CTHRC1: variants seen among roughly 807,000 people sequenced by gnomAD.
The protein encoded by CTHRC1 is collagen triple helix repeat-containing protein 1.
A neutral mutation model predicts 25.9 loss-of-function variants in CTHRC1; 21 were observed. The ratio of observed to expected loss-of-function variants is 0.81; its 90% CI spans 0.57 to 1.17. The LOEUF (loss-of-function observed/expected upper bound fraction) is 1.17. Ranked by LOEUF, CTHRC1 falls within the 50% of genes most tolerant of loss-of-function variation. CTHRC1 has a pLI of 0.00. For synonymous variants in CTHRC1, 109 were observed against 113.1 expected, an observed-to-expected ratio of 0.96 and a Z score of 0.23; for missense variants, 281 against 304.3, an observed-to-expected ratio of 0.92 and a Z score of 0.57.
intron 3 of CTHRC1, among the ~76,000 whole-genome samples, chr8:103,380,358 A>G (rs1263254606): frequency 6.6e-6 from 1 of 152,220 alleles, no homozygotes; most frequent in Non-Finnish European, 1.5e-5. Flanking sequence ...GAGTGTCACA[A>G]GTAATTTGTT....
chr8:103,374,807 TTTA>T (rs1259462994), intron 1 of CTHRC1, among the ~76,000 whole-genome samples: 2 of 152,204 alleles, frequency 1.3e-5, no homozygotes, highest in African/African-American at 4.8e-5. Context: ...AGTAAGACTC[TTTA>T]TTATTATCCA....
chr8:103,375,958 C>A lies in CTHRC1; in HGVS notation c.371C>A (p.Ala124Glu), dbSNP rs374084026. 2 of 1,608,256 alleles carry A rather than the reference C, an allele frequency of 1.2e-6. No individual in the cohort carries two copies. Among genetic ancestry groups the A allele is most frequent in the East Asian group, 2.2e-5 (1 of 44,844 alleles). The change falls in exon 2 of 4, where the codon GCG (alanine) becomes GAG (glutamate). Residue 124 changes from alanine (A) to glutamate (E), a missense_variant and splice_region_variant. Coordinates refer to ENST00000330295, the MANE Select transcript of CTHRC1 (RefSeq NM_138455.4). ...TATGGCATAGATCTTGGGAAAATTG[C>A]GGTAAGTTTGAATTATTTTAAAATT... ...LNYGIDLGKI[A>E]ECTFTKMRSN...
chr8:103,377,029 T>C (rs1367713185), intron 2 of CTHRC1: 1 of 152,198 alleles, frequency 6.6e-6, no homozygotes, highest in Non-Finnish European at 1.5e-5. Context: ...TCCTTGTGGG[T>C]TCTGAATTAT....
rs972017543 is a variant in CTHRC1, at chr8:103,380,472, G to A, written c.590-1986G>A. On this transcript the variant is annotated intron_variant, in intron 3 of 3. Coordinates refer to ENST00000330295, the MANE Select transcript of CTHRC1 (RefSeq NM_138455.4). ...CTCTCTTAAGGGAAAGGAAAGGGGT[G>A]CACTTATAGTTAGCATATCAGAGGA... Among the ~76,000 whole-genome samples, 5 of 152,206 alleles carry A rather than the reference G, an allele frequency of 3.3e-5. No individual in the cohort carries two copies. In the South Asian group the frequency reaches 8.3e-4, roughly 25 times the overall value.
At chr8:103,376,133 CAT>C (rs1191803645) in intron 2 of CTHRC1, 174 bp downstream of exon 2, 2 of 637,182 alleles carry the variant, frequency 3.1e-6, no homozygotes, top group Non-Finnish European at 5.5e-6. Flanking sequence ...TTCAGAATTT[CAT>C]AGAGATATTT....
Position 103,371,802 on chromosome 8 carries a change from A to G in CTHRC1, c.146A>G (p.Asp49Gly), listed in dbSNP as rs911636192. 6.6e-7 allele frequency: 1 copy of G among 1,526,212 alleles called. No homozygotes were observed. The highest frequency in any genetic ancestry group is 1.4e-5 in the African/African-American group (1 of 70,308). 94.5% of individuals were successfully genotyped at this position (1,526,212 alleles called of 1,614,324 possible). A position where few individuals can be genotyped will look rare whatever the true frequency, so the allele number is the denominator to read the frequency against. Residue 49 changes from aspartate to glycine, a missense_variant, in exon 1 of 4, where the codon GAC becomes GGC. Asp to Gly is a moderately conservative substitution (Grantham distance 94). Coordinates refer to ENST00000330295, the MANE Select transcript of CTHRC1 (RefSeq NM_138455.4). Reference sequence around the variant, plus strand: ...CAGCTCCGGCAGAGGGAGGTGGTGGACCTGGTGAGTCCGAGGGAGCCGAGC... The same window carrying G: ...CAGCTCCGGCAGAGGGAGGTGGTGGGCCTGGTGAGTCCGAGGGAGCCGAGC... ...KAQLRQREVV[D>G]LYNGMCLQGP...
At chr8:103,382,252 T>G (rs1815926641) in intron 3 of CTHRC1, among the ~76,000 whole-genome samples, 1 of 152,214 alleles carries the variant, frequency 6.6e-6, no homozygotes, top group African/African-American at 2.4e-5. Flanking sequence ...TATCATAGAA[T>G]GGATATGTAT....
intron 2 of CTHRC1, among the ~76,000 whole-genome samples, chr8:103,376,239 C>G (rs1330521428): frequency 6.6e-6 from 1 of 152,156 alleles, no homozygotes; most frequent in East Asian, 1.9e-4. Context: ...CTGTGTTGGA[C>G]AGTAAGCAAC....
chr8:103,372,577 C>G, intron 1 of CTHRC1: 2 of 1,598,376 alleles, frequency 1.3e-6, no homozygotes, highest in Non-Finnish European at 1.7e-6. Context: ...AGGAGCATCA[C>G]AGTCAAGCTA....
At chr8:103,374,482 A>G (rs572196622) in intron 1 of CTHRC1, among the ~76,000 whole-genome samples, 1 of 152,296 alleles carries the variant, frequency 6.6e-6, no homozygotes, top group Admixed American at 6.5e-5. Flanking sequence ...TCCTAGCTGA[A>G]CCAATTCAGG....
At position 103,371,714 on chromosome 8, in the gene CTHRC1, C is replaced by T. The variant is rs1226088899; in HGVS notation, c.58C>T (p.Leu20=). Residue 20 remains leucine, a synonymous_variant, in exon 1 of 4, where the codon CTG becomes TTG. Transcript: ENST00000330295. The stretch of plus-strand genomic sequence containing the variant: ...GCGGCTCCGCGGCCTCCTGCTGCTC[C>T]TGCTGCTGCAGCTGCCCGCGCCGTC... ...PQRLRGLLLL[L]LLQLPAPSSA... is the part of the protein sequence containing the mutation. The T allele has an allele frequency of 1.3e-6, 2 of 1,536,878 alleles. No homozygotes were observed. The highest frequency in any genetic ancestry group is 2.4e-5 in the South Asian group (2 of 82,638).
intron 3 of CTHRC1, among the ~76,000 whole-genome samples, chr8:103,379,108 G>C (rs1360222566): frequency 1.3e-5 from 2 of 152,172 alleles, no homozygotes; most frequent in Non-Finnish European, 2.9e-5. Flanking sequence ...GGTGGATACT[G>C]TCTGCTGAAT....
chr8:103,378,196 G>A lies in CTHRC1; in HGVS notation c.542G>A (p.Gly181Glu). 6.2e-7 allele frequency: 1 copy of A among 1,614,080 alleles called. No individual in the cohort carries two copies. Among genetic ancestry groups the A allele is most frequent in the South Asian group, 1.1e-5 (1 of 91,080 alleles). ...PIEAIIYLDQGSPEMNSTINI... is the reference protein window; with the variant it reads ...PIEAIIYLDQESPEMNSTINI... ...GAAGCTATAATTTATTTGGACCAAG[G>A]AAGCCCTGAAATGAATTCAACAATT... is the stretch of plus-strand genomic sequence containing the variant. The change falls in exon 3 of 4, where the codon GGA becomes GAA. Residue 181 changes from glycine to glutamate, a missense_variant. Physicochemically the swap from Gly to Glu is moderately conservative, Grantham distance 98. Coordinates refer to ENST00000330295, the MANE Select transcript of CTHRC1 (RefSeq NM_138455.4).
intron 1 of CTHRC1, among the ~76,000 whole-genome samples, 198 bp downstream of exon 1, chr8:103,372,004 G>A (rs1029325409): frequency 6.6e-6 from 1 of 152,204 alleles, no homozygotes; most frequent in Non-Finnish European, 1.5e-5. Context: ...GTGAGTCTTG[G>A]AACTCAGAGG....
intron 2 of CTHRC1, chr8:103,377,269 C>T (rs1033839834): frequency 3.3e-5 from 5 of 152,224 alleles, no homozygotes; most frequent in Non-Finnish European, 7.3e-5. Context: ...AAAAGAAACA[C>T]GTCAAGAGTC....
chr8:103,378,226 T>C lies in CTHRC1; in HGVS notation c.572T>C (p.Ile191Thr), dbSNP rs1815844568. 2 of 1,612,536 alleles carry C rather than the reference T, an allele frequency of 1.2e-6. No homozygotes were observed. Among genetic ancestry groups the C allele is most frequent in the Non-Finnish European group, 1.7e-6 (2 of 1,179,338 alleles). Residue 191 changes from isoleucine (I) to threonine (T), a missense_variant, in exon 3 of 4, where the codon ATT becomes ACT. Ile to Thr is a moderately conservative substitution (Grantham distance 89). Coordinates refer to ENST00000330295, the MANE Select transcript of CTHRC1 (RefSeq NM_138455.4). ...CCTGAAATGAATTCAACAATTAATA[T>C]TCATCGCACTTCTTCTGGTATGTAA... Reference protein sequence around the residue: ...GSPEMNSTINIHRTSSVEGLC... With the variant: ...GSPEMNSTINTHRTSSVEGLC...
intron 1 of CTHRC1, chr8:103,372,743 A>G: frequency 9.5e-7 from 1 of 1,050,260 alleles, no homozygotes; most frequent in Non-Finnish European, 1.4e-6. Flanking sequence ...GGTATGAGGG[A>G]GCCTTTCAGA....
chr8:103,374,286 T>TA (rs1319876482), intron 1 of CTHRC1, among the ~76,000 whole-genome samples: 1 of 152,244 alleles, frequency 6.6e-6, no homozygotes, highest in Non-Finnish European at 1.5e-5. Flanking sequence ...CAATCCCAGA[T>TA]ACTGTAGTCA....
At position 103,375,966 on chromosome 8, in the gene CTHRC1, T is replaced by C. The variant is rs1815798201; in HGVS notation, c.372+7T>C. 1 of 1,597,528 alleles carries C rather than the reference T, an allele frequency of 6.3e-7. No individual in the cohort carries two copies. ...AGATCTTGGGAAAATTGCGGTAAGT[T>C]TGAATTATTTTAAAATTGAAGCAAG... is the stretch of plus-strand genomic sequence containing the variant. On this transcript the variant is annotated splice_region_variant and intron_variant, in intron 2 of 3. Coordinates refer to ENST00000330295, the MANE Select transcript of CTHRC1 (RefSeq NM_138455.4).
Sources: gnomAD v4.1 joint callset for allele counts (sites outside exome capture counted in the v4.1 genomes callset) on GRCh38, gnomAD v4.1.1 for gene constraint, MANE v1.5 for transcripts, NCBI Gene and HGNC (gene_info 2026-07-23, HGNC 2026-07-21) for gene names.